Variants in PCDH15 observed in about 807,000 individuals in gnomAD.
PCDH15 encodes protocadherin-15.
Under a neutral mutation model 178.5 loss-of-function variants are expected in PCDH15, and 129 were observed. The ratio of observed to expected loss-of-function variants is 0.72; its 90% CI spans 0.63 to 0.84. The LOEUF (loss-of-function observed/expected upper bound fraction) is 0.84, where lower values mean the gene tolerates loss of function less well. Ranked by LOEUF, PCDH15 falls within the 40% of genes least tolerant of loss-of-function variation. The probability of loss-of-function intolerance (pLI) is 0.00; values close to 1 mark genes in which losing one functional copy is unlikely to be tolerated. For missense variants in PCDH15, 2,230 were observed against 2,099.9 expected, an observed-to-expected ratio of 1.06 and a Z score of -1.21; for synonymous variants, 800 against 732.0, an observed-to-expected ratio of 1.09 and a Z score of -1.50.
intron 33 of PCDH15, among the ~76,000 whole-genome samples, chr10:53,819,344 T>G (rs985720132): frequency 2.0e-5 from 3 of 152,004 alleles, no homozygotes; most frequent in African/African-American, 7.2e-5. Context: ...AACTCAATGT[T>G]AATGTTTCCA....
At chr10:55,004,076 C>A (rs939987568) in intron 2 of PCDH15, among the ~76,000 whole-genome samples, 1 of 151,986 alleles carries the variant, frequency 6.6e-6, no homozygotes, top group South Asian at 2.1e-4. Flanking sequence ...AGTAATCAGG[C>A]CAAGTGTAAT....
Position 54,882,107 on chromosome 10 carries a change from T to C in PCDH15, c.-29+15343A>G, listed in dbSNP as rs539953540. 6.6e-5 allele frequency among the ~76,000 whole-genome samples: 10 copies of C among 152,230 alleles called. No homozygotes were observed. In the South Asian group the frequency reaches 1.7e-3, roughly 25 times the overall value. On this transcript the variant is annotated intron_variant, in intron 3 of 5. Coordinates refer to the PCDH15 transcript ENST00000458638. Reference sequence around the variant, plus strand: ...ATTTAATACCGAATTCATATGATAGTATTTTATTTTAGCATGAAACAATAG... The same window carrying C: ...ATTTAATACCGAATTCATATGATAGCATTTTATTTTAGCATGAAACAATAG...
At chr10:54,853,286 T>TGTGG (rs1953663472) in intron 3 of PCDH15, among the ~76,000 whole-genome samples, 1 of 41,544 alleles carries the variant, frequency 2.4e-5, no homozygotes, top group African/African-American at 9.0e-5. Context: ...TGTATGTATG[T>TGTGG]GTGTATATAT....
intron 2 of PCDH15, among the ~76,000 whole-genome samples, chr10:55,471,189 T>TA (rs372325134): frequency 1.1e-4 from 17 of 152,208 alleles, no homozygotes; most frequent in Middle Eastern, 3.2e-3. Flanking sequence ...CTCATACTGT[T>TA]ACTCTTTTTC....
At chr10:53,931,067 A>G (rs915851073) in intron 25 of PCDH15, among the ~76,000 whole-genome samples, 1 of 152,214 alleles carries the variant, frequency 6.6e-6, no homozygotes, top group African/African-American at 2.4e-5. Context: ...AGGGCCAGAA[A>G]GTTTGAGTGC....
At chr10:55,422,245 C>A (rs1178671649) in intron 2 of PCDH15, among the ~76,000 whole-genome samples, 1 of 151,796 alleles carries the variant, frequency 6.6e-6, no homozygotes, top group Admixed American at 6.6e-5. Flanking sequence ...GAAATGCCTT[C>A]TAACTGAAAT....
intron 2 of PCDH15, among the ~76,000 whole-genome samples, chr10:55,094,161 G>A (rs1842387561): frequency 1.3e-5 from 2 of 152,128 alleles, no homozygotes; most frequent in Non-Finnish European, 2.9e-5. Context: ...AACAATGATA[G>A]ACTGGATTAA....
chr10:55,607,665 G>A (rs1277693901), intron 2 of PCDH15, among the ~76,000 whole-genome samples: 18 of 144,868 alleles, frequency 1.2e-4, no homozygotes, highest in East Asian at 4.3e-4. Context: ...ACCAAACACC[G>A]CATATTCTCA....
chr10:55,025,748 T>C (rs1256100363), intron 2 of PCDH15, among the ~76,000 whole-genome samples: 1 of 151,992 alleles, frequency 6.6e-6, no homozygotes, highest in African/African-American at 2.4e-5. Context: ...TATAATATAG[T>C]TTATTCAATA....
At chr10:55,325,379 C>A (rs1049579982) in intron 2 of PCDH15, among the ~76,000 whole-genome samples, 1 of 152,080 alleles carries the variant, frequency 6.6e-6, no homozygotes, top group Non-Finnish European at 1.5e-5. Flanking sequence ...ACACATAGAC[C>A]AGTGGAACAG....
At chr10:55,129,387 G>T (rs1837985640) in intron 2 of PCDH15, among the ~76,000 whole-genome samples, 1 of 152,068 alleles carries the variant, frequency 6.6e-6, no homozygotes, top group South Asian at 2.1e-4. Context: ...AAAGGGCTGA[G>T]AACTTTCTAT....
intron 1 of PCDH15, among the ~76,000 whole-genome samples, chr10:55,235,297 C>A (rs915709861): frequency 6.6e-6 from 1 of 152,130 alleles, no homozygotes; most frequent in African/African-American, 2.4e-5. Context: ...TTTTCTTTCT[C>A]TTTGCCTCAT....
intron 32 of PCDH15, chr10:53,822,138 G>A: frequency 1.2e-6 from 2 of 1,614,034 alleles, no homozygotes; most frequent in Non-Finnish European, 1.7e-6. Flanking sequence ...TGATAGCTGT[G>A]TCATAGAGGA....
In PCDH15 at chr10:54,873,695, T is replaced by TTATATATATA. The variant is rs4019624; in HGVS notation, c.-29+23745_-29+23754dup. ...AAAAATCTGAAGAAACTGCTGTATT[T>TTATATATATA]TATATATATATATATATATATAATA... On this transcript the variant is annotated intron_variant, in intron 3 of 5. Coordinates refer to the PCDH15 transcript ENST00000458638. Among the ~76,000 whole-genome samples, 8 of 138,920 alleles carry TTATATATATA rather than the reference T, an allele frequency of 5.8e-5. No individual in the cohort carries two copies. In the East Asian group the frequency reaches 1.3e-3, roughly 22 times the overall value. 91.1% of individuals were successfully genotyped at this position (138,920 alleles called of 152,430 possible).
At position 53,842,375 on chromosome 10, in the gene PCDH15, C is replaced by T. The variant is rs1413703980; in HGVS notation, c.3807-1879G>A. Among the ~76,000 whole-genome samples the T allele has an allele frequency of 2.0e-5, 3 of 152,004 alleles. No individual in the cohort carries two copies. In the South Asian group the frequency reaches 6.2e-4, roughly 32 times the overall value. ...GGGTTCAAGGGATTCTCCTGTCTCACGCCTGGATTACAGGCATGCACCACC... is the reference window on the plus strand; with the variant it reads ...GGGTTCAAGGGATTCTCCTGTCTCATGCCTGGATTACAGGCATGCACCACC... On this transcript the variant is annotated intron_variant, in intron 28 of 37. Transcript: ENST00000644397.
At chr10:54,340,010 G>T (rs1363159549) in intron 6 of PCDH15, among the ~76,000 whole-genome samples, 1 of 152,126 alleles carries the variant, frequency 6.6e-6, no homozygotes, top group Non-Finnish European at 1.5e-5. Context: ...TCATTGCAAT[G>T]ATTTCTATAC....
At chr10:54,410,778 G>T (rs1479011763) in intron 3 of PCDH15, among the ~76,000 whole-genome samples, 1 of 152,104 alleles carries the variant, frequency 6.6e-6, no homozygotes, top group African/African-American at 2.4e-5. Context: ...AGGCTAAAAT[G>T]TAAATTTTAG....
At chr10:55,311,996 A>T (rs940842749) in intron 1 of PCDH15, among the ~76,000 whole-genome samples, 1 of 152,236 alleles carries the variant, frequency 6.6e-6, no homozygotes. Flanking sequence ...TGATTTTTAC[A>T]TGCTGTGAAT....
rs1841964281 is a variant in PCDH15 at position 55,549,613 on chromosome 10, T to C, written c.-156+78012A>G. Among the ~76,000 whole-genome samples, 3 of 152,146 alleles carry C rather than the reference T, an allele frequency of 2.0e-5. No individual in the cohort carries two copies. In the South Asian group the frequency reaches 6.2e-4, roughly 32 times the overall value. On this transcript the variant is annotated intron_variant, in intron 2 of 5. Coordinates refer to the PCDH15 transcript ENST00000613346. ...AAAAGTAGAAGTTTCCATTCTTTTA[T>C]TTATTTTCCTTTGCCTTTCAATTTA...
Sources: allele counts gnomAD v4.1 joint callset (sites outside exome capture counted in the v4.1 genomes callset), GRCh38; gene constraint gnomAD v4.1.1; transcripts MANE v1.5; gene names NCBI Gene and HGNC (gene_info 2026-07-23, HGNC 2026-07-21).